The following PHLDB2 variants were observed in gnomAD, a reference collection of about 807,000 sequenced individuals.
PHLDB2 encodes pleckstrin homology like domain family B member 2, also known as pleckstrin homology-like domain family B member 2.
PHLDB2 carries 71 observed loss-of-function variants against 123.6 expected under a neutral mutation model. That is an observed-to-expected ratio of 0.57 (90% CI 0.47 to 0.70). The LOEUF is 0.70. Ranked by LOEUF, PHLDB2 falls within the 30% of genes least tolerant of loss-of-function variation. The probability of loss-of-function intolerance (pLI) is 0.00; values close to 1 mark genes in which losing one functional copy is unlikely to be tolerated. For missense variants in PHLDB2, 1,446 were observed against 1,519.5 expected, an observed-to-expected ratio of 0.95 and a Z score of 0.80; for synonymous variants, 547 against 541.6, an observed-to-expected ratio of 1.01 and a Z score of -0.14.
intron 1 of PHLDB2, among the ~76,000 whole-genome samples, chr3:111,740,087 C>T (rs911073851): frequency 6.6e-6 from 1 of 152,058 alleles, no homozygotes; most frequent in Non-Finnish European, 1.5e-5. Flanking sequence ...CTCAAAGGAA[C>T]CTACTAATTG....
chr3:111,958,651 T>C, intron 12 of PHLDB2: 2 of 450,784 alleles, frequency 4.4e-6, no homozygotes, highest in South Asian at 3.2e-5. Flanking sequence ...TCTTGCTTTA[T>C]ACACCTTATA....
intron 5 of PHLDB2, among the ~76,000 whole-genome samples, chr3:111,926,718 C>T (rs2068832574): frequency 6.6e-6 from 1 of 152,000 alleles, no homozygotes; most frequent in Non-Finnish European, 1.5e-5. Context: ...GTTGGTTACT[C>T]AACAATCATT....
intron 1 of PHLDB2, among the ~76,000 whole-genome samples, chr3:111,767,843 GC>G (rs1410797871): frequency 6.6e-6 from 1 of 152,090 alleles, no homozygotes; most frequent in East Asian, 1.9e-4. Flanking sequence ...TTTAAATGTG[GC>G]TACTAAATTT....
intron 1 of PHLDB2, among the ~76,000 whole-genome samples, chr3:111,760,620 G>T (rs2059976432): frequency 6.6e-6 from 1 of 152,000 alleles, no homozygotes; most frequent in South Asian, 2.1e-4. Flanking sequence ...TGGCTTCTGG[G>T]GAGTGAACTA....
At chr3:111,931,271 A>T (rs558353426) in intron 5 of PHLDB2, among the ~76,000 whole-genome samples, 23 of 152,360 alleles carry the variant, frequency 1.5e-4, no homozygotes, top group African/African-American at 5.5e-4. Flanking sequence ...AAGAAGACAC[A>T]TCTAAAATTT....
At chr3:111,877,547 C>G (rs1402058617) in intron 1 of PHLDB2, among the ~76,000 whole-genome samples, 4 of 152,146 alleles carry the variant, frequency 2.6e-5, no homozygotes, top group Non-Finnish European at 5.9e-5. Flanking sequence ...GTATCTTTTG[C>G]TGTGCAGAAG....
intron 1 of PHLDB2, among the ~76,000 whole-genome samples, chr3:111,825,697 C>T (rs2062620467): frequency 1.3e-5 from 2 of 152,250 alleles, no homozygotes; most frequent in South Asian, 2.1e-4. Flanking sequence ...ATCTGCCCAC[C>T]TTGGCCTCCC....
intron 1 of PHLDB2, among the ~76,000 whole-genome samples, chr3:111,767,953 A>C (rs931692500): frequency 1.3e-5 from 2 of 152,192 alleles, no homozygotes; most frequent in Admixed American, 1.3e-4. Flanking sequence ...AAGCAGGTAG[A>C]AATTGTTAAG....
In PHLDB2 at chr3:111,962,248, A is replaced by C; in HGVS notation, c.3013A>C (p.Ser1005Arg). The part of the protein sequence containing the change: ...SYKDQAFDTL[S>R]LDSSDSMETS... ...CAAGGACCAGGCCTTTGATACTCTG[A>C]GCCTCGATAGCTCTGATAGCATGGA... The change falls in exon 13 of 18, where the codon AGC (serine) becomes CGC (arginine). Residue 1005 changes from serine to arginine, a missense_variant. This residue lies in a region of PHLDB2 where 594 missense variants were observed against 646.0 expected (regional missense o/e 0.92). Transcript: ENST00000431670. 1 of 1,579,854 alleles carries C rather than the reference A, an allele frequency of 6.3e-7. No homozygotes were observed. The highest frequency in any genetic ancestry group is 8.5e-7 in the Non-Finnish European group (1 of 1,170,824).
At chr3:111,914,141 A>G (rs1450292813) in intron 3 of PHLDB2, 2 of 156,940 alleles carry the variant, frequency 1.3e-5, no homozygotes, top group Non-Finnish European at 2.8e-5. Flanking sequence ...ATTAGTATAC[A>G]TAGCTCTACC....
At chr3:111,956,335 G>C (rs2071062406) in intron 12 of PHLDB2, among the ~76,000 whole-genome samples, 2 of 152,178 alleles carry the variant, frequency 1.3e-5, no homozygotes, top group Admixed American at 1.3e-4. Context: ...GTGAAACCGA[G>C]GGAAGGTTTG....
intron 6 of PHLDB2, among the ~76,000 whole-genome samples, chr3:111,935,912 A>G (rs1054007456): frequency 1.3e-5 from 2 of 152,168 alleles, no homozygotes; most frequent in African/African-American, 2.4e-5. Flanking sequence ...TGCATCCTTC[A>G]ATCCAATCAG....
intron 2 of PHLDB2, among the ~76,000 whole-genome samples, chr3:111,899,150 G>A (rs139483657): frequency 4.1e-4 from 62 of 152,234 alleles, no homozygotes; most frequent in Middle Eastern, 3.4e-3. Context: ...TACCCCATGG[G>A]ATGTAAAATG....
rs1421165495 is a variant in PHLDB2, at chr3:111,919,233, T to C, written c.1863+18T>C. Reference sequence around the variant, plus strand: ...TCAGAGAGGTAAACTTTTTACCCTCTTCCCTTTTTTCTTTCTTTCCTTCAG... The same window carrying C: ...TCAGAGAGGTAAACTTTTTACCCTCCTCCCTTTTTTCTTTCTTTCCTTCAG... On this transcript the variant is annotated intron_variant, in intron 4 of 17. Coordinates refer to ENST00000431670, the MANE Select transcript of PHLDB2 (RefSeq NM_001134438.2). 1 of 1,611,732 alleles carries C rather than the reference T, an allele frequency of 6.2e-7. No homozygotes were observed. The highest frequency in any genetic ancestry group is 2.2e-5 in the East Asian group (1 of 44,870).
chr3:111,908,870 GC>G (rs35227133), intron 2 of PHLDB2, among the ~76,000 whole-genome samples: 49,310 of 152,000 alleles, frequency 0.32, 8,439 homozygotes, highest in East Asian at 0.64. Context: ...CTGCATACCT[GC>G]TGTCAGCACC....
rs1012423973 is a variant in PHLDB2, at chr3:111,783,380, T to C, written c.-49+50677T>C. 2.4e-4 allele frequency among the ~76,000 whole-genome samples: 36 copies of C among 152,212 alleles called. 1 individual carries two copies. Among genetic ancestry groups the C allele is most frequent in the African/African-American group, 8.7e-4 (36 of 41,560 alleles). On this transcript the variant is annotated intron_variant, in intron 1 of 17. Transcript: ENST00000393923. The stretch of plus-strand genomic sequence containing the variant: ...AATTAAGCTCTATTTATCTTAGTAG[T>C]GGCACGTTCTTTAAAATAAAAGAAT...
intron 1 of PHLDB2, among the ~76,000 whole-genome samples, chr3:111,834,280 A>G (rs1250476443): frequency 7.4e-6 from 1 of 134,564 alleles, no homozygotes; most frequent in African/African-American, 2.7e-5. Flanking sequence ...CATAATATAT[A>G]TAATTCTATT....
chr3:111,934,504 A>T (rs1181120542), intron 6 of PHLDB2, among the ~76,000 whole-genome samples: 1 of 152,236 alleles, frequency 6.6e-6, no homozygotes, highest in Non-Finnish European at 1.5e-5. Flanking sequence ...TAAAAGAATA[A>T]GAAGAAAGTT....
intron 8 of PHLDB2, among the ~76,000 whole-genome samples, chr3:111,944,927 T>C (rs2070193339): frequency 6.6e-6 from 1 of 152,184 alleles, no homozygotes; most frequent in Admixed American, 6.5e-5. Flanking sequence ...CGCCTCAGCC[T>C]CCCAAAGTGC....
Sources: allele counts gnomAD v4.1 joint callset (sites outside exome capture counted in the v4.1 genomes callset), GRCh38; gene constraint gnomAD v4.1.1; regional missense constraint gnomAD v4.1.1; transcripts MANE v1.5; gene names NCBI Gene and HGNC (gene_info 2026-07-23, HGNC 2026-07-21).